The following GPRC6A variants were observed in gnomAD, a reference collection of about 807,000 sequenced individuals.
GPRC6A encodes G protein-coupled receptor class C group 6 member A, also known as G protein-coupled receptor family C group 6 member A.
GPRC6A carries 54 observed loss-of-function variants against 47.0 expected under a neutral mutation model. The ratio of observed to expected loss-of-function variants is 1.15; its 90% CI spans 0.92 to 1.44. GPRC6A has a LOEUF of 1.44. Among genes scored for constraint, GPRC6A ranks in the 40% most tolerant of loss-of-function variants. The pLI is 0.00. For missense variants in GPRC6A, 1,112 were observed against 1,105.5 expected (o/e 1.01, Z -0.08); for synonymous variants, 347 against 377.1 (o/e 0.92, Z 0.93).
intron 1 of GPRC6A, 137 bp from the exon 2 acceptor site, chr6:116,809,754 T>A: frequency 1.7e-6 from 1 of 592,546 alleles, no homozygotes; most frequent in Non-Finnish European, 2.9e-6. Context: ...AAATTTTATT[T>A]AAAAACAATT....
intron 1 of GPRC6A, among the ~76,000 whole-genome samples, chr6:116,819,964 A>G (rs888243536): frequency 6.6e-6 from 1 of 150,454 alleles, no homozygotes; most frequent in Non-Finnish European, 1.5e-5. Context: ...ACCGCTAGCA[A>G]GACTAATAAA....
At chr6:116,817,981 C>A (rs1162896007) in intron 1 of GPRC6A, among the ~76,000 whole-genome samples, 1 of 152,020 alleles carries the variant, frequency 6.6e-6, no homozygotes, top group African/African-American at 2.4e-5. Flanking sequence ...AGGAGAACTT[C>A]CCCAATCTAG....
chr6:116,801,326 G>A (rs894186637), intron 3 of GPRC6A, among the ~76,000 whole-genome samples: 10 of 152,142 alleles, frequency 6.6e-5, no homozygotes, highest in African/African-American at 2.4e-4. Context: ...AATTTGCACA[G>A]TGAGAGCTTG....
Position 116,806,808 on chromosome 6 carries a change from C to T in GPRC6A, c.897G>A (p.Trp299Ter). Residue 299 changes from tryptophan to a stop codon, truncating the protein, a stop_gained, in exon 3 of 6, where the codon TGG (tryptophan) becomes TGA (stop). Coordinates refer to ENST00000310357, the MANE Select transcript of GPRC6A (RefSeq NM_148963.4). LOFTEE classifies it high-confidence loss of function. Reference protein sequence around the residue: ...KAIEMNINKMWIASDNWSTAT... With the variant: ...KAIEMNINKM Reference sequence around the variant, plus strand: ...CAGTTGACCAATTATCACTAGCAATCCACATCTTATTTATATTCATTTCAA... The same window carrying T: ...CAGTTGACCAATTATCACTAGCAATTCACATCTTATTTATATTCATTTCAA... The T allele has an allele frequency of 1.2e-6, 2 of 1,613,446 alleles. No homozygotes were observed. Among genetic ancestry groups the T allele is most frequent in the Non-Finnish European group, 1.7e-6 (2 of 1,179,680 alleles).
intron 5 of GPRC6A, among the ~76,000 whole-genome samples, chr6:116,794,571 C>T (rs1230930500): frequency 6.6e-6 from 1 of 152,094 alleles, no homozygotes; most frequent in Non-Finnish European, 1.5e-5. Flanking sequence ...TAAAGGGTCC[C>T]GTACGTCTTT....
chr6:116,792,624 A>G lies in GPRC6A; in HGVS notation c.2299T>C (p.Phe767Leu), dbSNP rs750132762. 5 of 1,613,350 alleles carry G rather than the reference A, an allele frequency of 3.1e-6. No homozygotes were observed. The highest frequency in any genetic ancestry group is 3.3e-5 in the Admixed American group (2 of 59,912). ...GYIAILAFIC[F>L]IFAFKGKYEN... ...TATTTGCCTTTGAAAGCAAATATGAAGCAAATGAAGGCCAGGATGGCAATG... is the reference window on the plus strand; with the variant it reads ...TATTTGCCTTTGAAAGCAAATATGAGGCAAATGAAGGCCAGGATGGCAATG... The change falls in exon 6 of 6, where the codon TTC becomes CTC. Residue 767 changes from phenylalanine (F) to leucine (L), a missense_variant. Phe to Leu is a conservative substitution (Grantham distance 22, BLOSUM62 0). Transcript: ENST00000310357.
intron 1 of GPRC6A, among the ~76,000 whole-genome samples, chr6:116,816,078 T>C (rs1562485762): frequency 6.6e-6 from 1 of 152,166 alleles, no homozygotes; most frequent in East Asian, 1.9e-4. Flanking sequence ...TAACACACTT[T>C]TATATTCCAT....
intron 1 of GPRC6A, among the ~76,000 whole-genome samples, chr6:116,823,883 C>T (rs1227650275): frequency 6.6e-6 from 1 of 152,042 alleles, no homozygotes; most frequent in South Asian, 2.1e-4. Context: ...ATATGCTACA[C>T]ACTTTTAAAC....
chr6:116,793,445 A>G (rs76029629), intron 5 of GPRC6A, among the ~76,000 whole-genome samples, 195 bp from the exon 6 acceptor site: 3,983 of 152,252 alleles, frequency 0.026, 149 homozygotes, highest in African/African-American at 0.091. Context: ...AAAAGTGAGG[A>G]AAAAGGAAAA....
At chr6:116,820,106 A>G (rs1339219690) in intron 1 of GPRC6A, among the ~76,000 whole-genome samples, 4 of 149,710 alleles carry the variant, frequency 2.7e-5, no homozygotes, top group African/African-American at 9.9e-5. Context: ...TAGAAAATCT[A>G]GAAGAAATGG....
chr6:116,806,357 TGTGA>T lies in GPRC6A; in HGVS notation c.1335+9_1335+12del. 6.6e-7 allele frequency: 1 copy of T among 1,526,106 alleles called. No individual in the cohort carries two copies. Among genetic ancestry groups the T allele is most frequent in the Non-Finnish European group, 9.0e-7 (1 of 1,114,224 alleles). 94.5% of individuals were successfully genotyped at this position (1,526,106 alleles called of 1,614,324 possible). A position where few individuals can be genotyped will look rare whatever the true frequency, so the allele number is the denominator to read the frequency against. ...ATGGTAGAAGAGTTTTTCTTGGATG[TGTGA>T]GTTAGTACCTCCCATGGTTGAAAGG... On this transcript the variant is annotated intron_variant, in intron 3 of 5. Coordinates refer to ENST00000310357, the MANE Select transcript of GPRC6A (RefSeq NM_148963.4).
At chr6:116,795,611 T>A (rs962802026) in intron 5 of GPRC6A, 101 bp downstream of exon 5, 69 of 1,017,448 alleles carry the variant, frequency 6.8e-5, no homozygotes, top group Non-Finnish European at 8.9e-5. Context: ...GGAAGCTTTT[T>A]AAATTTTTTC....
At chr6:116,803,793 G>A (rs1034411655) in intron 3 of GPRC6A, among the ~76,000 whole-genome samples, 13 of 152,024 alleles carry the variant, frequency 8.6e-5, no homozygotes, top group African/African-American at 2.9e-4. Flanking sequence ...TTCACATAGA[G>A]GTCATGTTTT....
chr6:116,815,862 A>G (rs1404052962), intron 1 of GPRC6A, among the ~76,000 whole-genome samples: 2 of 152,210 alleles, frequency 1.3e-5, no homozygotes, highest in Non-Finnish European at 2.9e-5. Context: ...TCACATTGCT[A>G]TAAGAAAATA....
Position 116,792,584 on chromosome 6 carries a change from T to G in GPRC6A, c.2339A>C (p.Glu780Ala). ...AFKGKYENYN[E>A]AKFITFGMLI... Reference sequence around the variant, plus strand: ...CATGCCAAATGTAATGAATTTGGCTTCATTGTAATTCTCATATTTGCCTTT... The same window carrying G: ...CATGCCAAATGTAATGAATTTGGCTGCATTGTAATTCTCATATTTGCCTTT... Residue 780 changes from glutamate to alanine, a missense_variant, in exon 6 of 6, where the codon GAA (glutamate) becomes GCA (alanine). Glu to Ala is a moderately radical substitution (Grantham distance 107, BLOSUM62 -1). Transcript: ENST00000310357. 1 of 1,606,046 alleles carries G rather than the reference T, an allele frequency of 6.2e-7. No individual in the cohort carries two copies. Among genetic ancestry groups the G allele is most frequent in the African/African-American group, 1.4e-5 (1 of 69,846 alleles).
Position 116,806,696 on chromosome 6 carries a change from G to T in GPRC6A, c.1009C>A (p.His337Asn). Reference protein sequence around the residue: ...AFRRGNISSFHSFLQNLHLLP... With the variant: ...AFRRGNISSFNSFLQNLHLLP... ...AAGTGCAGATTTTGAAGAAAGGAAT[G>T]GAAAGAGGATATATTCCCTCTTCTA... Residue 337 changes from histidine to asparagine, a missense_variant, in exon 3 of 6, where the codon CAT (histidine) becomes AAT (asparagine). Coordinates refer to ENST00000310357, the MANE Select transcript of GPRC6A (RefSeq NM_148963.4). 6.2e-7 allele frequency: 1 copy of T among 1,613,128 alleles called. No homozygotes were observed. Among genetic ancestry groups the T allele is most frequent in the Non-Finnish European group, 8.5e-7 (1 of 1,179,392 alleles).
At chr6:116,824,238 T>C (rs1773603181) in intron 1 of GPRC6A, among the ~76,000 whole-genome samples, 1 of 149,750 alleles carries the variant, frequency 6.7e-6, no homozygotes, top group South Asian at 2.1e-4. Flanking sequence ...AGGAAAGAAA[T>C]AATAAAGTTC....
chr6:116,792,105 C>T lies in GPRC6A; in HGVS notation c.*37G>A, dbSNP rs766511826. The T allele has an allele frequency of 6.5e-6, 10 of 1,536,844 alleles. No individual in the cohort carries two copies. Among genetic ancestry groups the T allele is most frequent in the Non-Finnish European group, 7.9e-6 (9 of 1,133,910 alleles). Reference sequence around the variant, plus strand: ...ATCTTAGATGCAAAGACCCTGGAAACATTTTATTCTGGAATGTGGCATCTC... The same window carrying T: ...ATCTTAGATGCAAAGACCCTGGAAATATTTTATTCTGGAATGTGGCATCTC... On this transcript the variant is annotated 3_prime_UTR_variant, in exon 6 of 6. Transcript: ENST00000310357.
rs1772639726 is a variant in GPRC6A at position 116,800,591 on chromosome 6, T to C, written c.1541A>G (p.Asn514Ser). 1 of 1,611,256 alleles carries C rather than the reference T, an allele frequency of 6.2e-7. No individual in the cohort carries two copies. Among genetic ancestry groups the C allele is most frequent in the Non-Finnish European group, 8.5e-7 (1 of 1,177,620 alleles). The change falls in exon 4 of 6, where the codon AAT (asparagine) becomes AGT (serine). Residue 514 changes from asparagine (N) to serine (S), a missense_variant. Physicochemically the swap from Asn to Ser is conservative, Grantham distance 46. Transcript: ENST00000310357. Reference sequence around the variant, plus strand: ...GGCCTACAACAAGGTTACCTTAAGATTCCTGAACTCATTTTTTGTTTCCTG... The same window carrying C: ...GGCCTACAACAAGGTTACCTTAAGACTCCTGAACTCATTTTTTGTTTCCTG... ...PDQETKNEFR[N>S]LKQIQSKCSK...
Sources: gnomAD v4.1 joint callset for allele counts (sites outside exome capture counted in the v4.1 genomes callset) on GRCh38, gnomAD v4.1.1 for gene constraint, MANE v1.5 for transcripts, NCBI Gene and HGNC (gene_info 2026-07-23, HGNC 2026-07-21) for gene names.